Variants in NUP58 observed in about 807,000 individuals in gnomAD.
The protein encoded by NUP58 is nucleoporin 58, also known as nucleoporin p58/p45.
In NUP58, 17 loss-of-function variants were observed where a neutral mutation model predicts 70.1. That is an observed-to-expected ratio of 0.24 (90% confidence interval 0.17 to 0.36). The LOEUF (loss-of-function observed/expected upper bound fraction) is 0.36. Ranked by LOEUF, NUP58 falls within the 10% of genes least tolerant of loss-of-function variation. The pLI, the probability that NUP58 is intolerant of heterozygous loss-of-function variation, is 1.00. For synonymous variants in NUP58, 275 were observed against 257.6 expected, an observed-to-expected ratio of 1.07 and a Z score of -0.65; for missense variants, 644 against 701.5, an observed-to-expected ratio of 0.92 and a Z score of 0.93.
At chr13:25,327,670 G>A (rs1391061736) in intron 12 of NUP58, among the ~76,000 whole-genome samples, 158 bp downstream of exon 12, 1 of 152,092 alleles carries the variant, frequency 6.6e-6, no homozygotes. Context: ...CAGACATAAC[G>A]ATTGATAATA....
At position 25,313,716 on chromosome 13, in the gene NUP58, G is replaced by T; in HGVS notation, c.539G>T (p.Gly180Val). The stretch of plus-strand genomic sequence containing the variant: ...GGGGGAGCCTTAGCTGGTTTGGGAG[G>T]TTCACTTTTCCAGAGTACAAACACA... ...SLGGALAGLG[G>V]SLFQSTNTGT... Residue 180 changes from glycine (G) to valine (V), a missense_variant, in exon 5 of 16, where the codon GGT becomes GTT. Coordinates refer to ENST00000381736, the MANE Select transcript of NUP58 (RefSeq NM_014089.4). The T allele has an allele frequency of 6.5e-7, 1 of 1,532,046 alleles. No homozygotes were observed. Among genetic ancestry groups the T allele is most frequent in the South Asian group, 1.3e-5 (1 of 75,466 alleles). 94.9% of individuals were successfully genotyped at this position (1,532,046 alleles called of 1,614,324 possible). A position where few individuals can be genotyped will look rare whatever the true frequency, so the allele number is the denominator to read the frequency against.
chr13:25,336,485 G>C, intron 13 of NUP58: 1 of 344,544 alleles, frequency 2.9e-6, no homozygotes, highest in South Asian at 2.6e-5. Context: ...TTGATCAATT[G>C]AGACTTGACT....
At chr13:25,315,133 G>A (rs1406427838) in intron 5 of NUP58, among the ~76,000 whole-genome samples, 2 of 152,076 alleles carry the variant, frequency 1.3e-5, no homozygotes, top group Non-Finnish European at 2.9e-5. Context: ...TCTGGCCCTC[G>A]TAATAATGAA....
downstream of NUP58, among the ~76,000 whole-genome samples, chr13:25,342,917 C>G (rs2031994457): frequency 6.6e-6 from 1 of 152,012 alleles, no homozygotes; most frequent in Non-Finnish European, 1.5e-5. Context: ...CAGCATCTTT[C>G]TGTGTCTATA....
At chr13:25,335,018 CTA>C in intron 13 of NUP58, 1 of 985,128 alleles carries the variant, frequency 1.0e-6, no homozygotes, top group Non-Finnish European at 1.2e-6. Flanking sequence ...AATAGTGAAA[CTA>C]ATATATATGG....
At chr13:25,324,608 G>C (rs900608807) in intron 9 of NUP58, among the ~76,000 whole-genome samples, 2 of 151,990 alleles carry the variant, frequency 1.3e-5, no homozygotes, top group Non-Finnish European at 2.9e-5. Context: ...TGTTAATTGT[G>C]CCTGCCTCAG....
At position 25,337,053 on chromosome 13, in the gene NUP58, A is replaced by G. The variant is rs766639356; in HGVS notation, c.1534+19A>G. The G allele has an allele frequency of 4.3e-5, 66 of 1,524,616 alleles. No homozygotes were observed. The East Asian group carries it at 6.2e-4, about 14-fold the overall frequency. The allele number at this position is 1,524,616 out of a possible 1,614,324, so 94.4% of individuals were successfully genotyped here. A position where few individuals can be genotyped will look rare whatever the true frequency, so the allele number is the denominator to read the frequency against. On this transcript the variant is annotated intron_variant, in intron 14 of 15. Coordinates refer to ENST00000381736, the MANE Select transcript of NUP58 (RefSeq NM_014089.4). The stretch of plus-strand genomic sequence containing the variant: ...CTTGGAGGTACACTTTAACTTTTCT[A>G]ATATTTCATTGAACTATTATATATT...
rs1170886825 is a variant in NUP58 at position 25,315,438 on chromosome 13, T to C, written c.656T>C (p.Ile219Thr). ...GCAGGCAATGAAGGCCTTGGTGGTATAGATTTCAGTAGCTCCTCAGATAAA... is the reference window on the plus strand; with the variant it reads ...GCAGGCAATGAAGGCCTTGGTGGTACAGATTTCAGTAGCTCCTCAGATAAA... ...STAGNEGLGG[I>T]DFSSSSDKKS... Residue 219 changes from isoleucine to threonine, a missense_variant, in exon 6 of 16, where the codon ATA becomes ACA. Coordinates refer to ENST00000381736, the MANE Select transcript of NUP58 (RefSeq NM_014089.4). 1 of 1,612,912 alleles carries C rather than the reference T, an allele frequency of 6.2e-7. No homozygotes were observed. Among genetic ancestry groups the C allele is most frequent in the East Asian group, 2.2e-5 (1 of 44,846 alleles).
chr13:25,325,101 C>T, intron 10 of NUP58, 33 bp downstream of exon 10: 1 of 1,448,886 alleles, frequency 6.9e-7, no homozygotes, highest in Non-Finnish European at 9.6e-7. Flanking sequence ...ACAAATGTTT[C>T]TCACTTTCAG....
At chr13:25,329,209 A>G (rs892398336) in intron 12 of NUP58, among the ~76,000 whole-genome samples, 2 of 152,170 alleles carry the variant, frequency 1.3e-5, no homozygotes. Flanking sequence ...AATCTTTCAA[A>G]TATACACAAA....
intron 1 of NUP58, among the ~76,000 whole-genome samples, chr13:25,303,931 A>G (rs891199055): frequency 1.3e-5 from 2 of 152,254 alleles, no homozygotes; most frequent in Non-Finnish European, 2.9e-5. Context: ...AGAGGCTTGG[A>G]TAAATTAATG....
rs914285311 is a variant in NUP58, at chr13:25,340,918, CAAAA to C, written c.*787_*790del. 3 of 152,032 alleles carry C rather than the reference CAAAA, an allele frequency of 2.0e-5. No homozygotes were observed. The highest frequency in any genetic ancestry group is 7.3e-5 in the African/African-American group (3 of 41,350). 9.4% of individuals were successfully genotyped at this position (152,032 alleles called of 1,614,324 possible). On this transcript the variant is annotated 3_prime_UTR_variant, in exon 16 of 16. Transcript: ENST00000381736. ...GGGCAACAAGAGCAAAACTCCGTCTCAAAAAAGATGAAAATAAAATAAAATATAT... is the reference window on the plus strand; with the variant it reads ...GGGCAACAAGAGCAAAACTCCGTCTCAAGATGAAAATAAAATAAAATATAT...
At chr13:25,349,302 T>C (rs1346566675) in intron 3 of NUP58, among the ~76,000 whole-genome samples, 1 of 152,218 alleles carries the variant, frequency 6.6e-6, no homozygotes, top group Non-Finnish European at 1.5e-5. Context: ...CCTGTTGATC[T>C]TTCTCCATAT....
At chr13:25,335,897 T>A (rs2137827928) in intron 13 of NUP58, 4 of 1,102,048 alleles carry the variant, frequency 3.6e-6, no homozygotes, top group South Asian at 2.2e-5. Context: ...AAGATTGTAC[T>A]ATGAAGTTTA....
At chr13:25,327,291 C>G in intron 11 of NUP58, 139 bp from the exon 12 acceptor site, 1 of 587,182 alleles carries the variant, frequency 1.7e-6, no homozygotes, top group Admixed American at 3.4e-5. Flanking sequence ...TCTGTGTGTT[C>G]TCTGGCCATG....
chr13:25,306,292 C>T (rs1388519884), intron 1 of NUP58, among the ~76,000 whole-genome samples: 1 of 150,894 alleles, frequency 6.6e-6, no homozygotes, highest in Non-Finnish European at 1.5e-5. Context: ...ATAGTCTGAG[C>T]TACTCCGGAG....
downstream of NUP58, among the ~76,000 whole-genome samples, chr13:25,342,900 A>G (rs929538596): frequency 1.3e-5 from 2 of 152,052 alleles, no homozygotes; most frequent in Non-Finnish European, 2.9e-5. Flanking sequence ...TTCTATTAGT[A>G]TATCATCAGC....
chr13:25,313,990 G>A (rs1034561895), intron 5 of NUP58, among the ~76,000 whole-genome samples: 5 of 152,050 alleles, frequency 3.3e-5, no homozygotes, highest in East Asian at 1.9e-4. Context: ...GTGCAGTGGC[G>A]TGATCTTGGT....
rs146867025 is a variant in NUP58 at position 25,325,079 on chromosome 13, G to A, written c.1031+11G>A. On this transcript the variant is annotated intron_variant, in intron 10 of 15. Transcript: ENST00000381736. ...TGCAGCTCCTGCTGAGTAAGTTGCTGGATTTTTAAAAACAAATGTTTCTCA... is the reference window on the plus strand; with the variant it reads ...TGCAGCTCCTGCTGAGTAAGTTGCTAGATTTTTAAAAACAAATGTTTCTCA... 500 of 1,583,774 alleles carry A rather than the reference G, an allele frequency of 3.2e-4. 3 individuals carry two copies. The highest frequency in any genetic ancestry group is 2.9e-3 in the South Asian group (259 of 88,904).
Sources: gnomAD v4.1 joint callset for allele counts (sites outside exome capture counted in the v4.1 genomes callset) on GRCh38, gnomAD v4.1.1 for gene constraint, MANE v1.5 for transcripts, NCBI Gene and HGNC (gene_info 2026-07-23, HGNC 2026-07-21) for gene names.